Variants in MRAP2 observed in about 807,000 individuals in gnomAD.
MRAP2 encodes melanocortin-2 receptor accessory protein 2.
Under a neutral mutation model 17.4 loss-of-function variants are expected in MRAP2, and 20 were observed. The ratio of observed to expected loss-of-function variants is 1.15; its 90% CI spans 0.81 to 1.67. The LOEUF is 1.67. Among genes scored for constraint, MRAP2 ranks in the 40% most tolerant of loss-of-function variants. The pLI, the probability that MRAP2 is intolerant of heterozygous loss-of-function variation, is 0.00. For missense variants in MRAP2, 238 were observed against 240.0 expected (o/e 0.99, Z 0.05); for synonymous variants, 96 against 88.4 (o/e 1.09, Z -0.48).
At chr6:84,037,754 T>C (rs2099486520) in intron 1 of MRAP2, among the ~76,000 whole-genome samples, 1 of 151,998 alleles carries the variant, frequency 6.6e-6, no homozygotes, top group Admixed American at 6.5e-5. Flanking sequence ...CCAGGGCTGG[T>C]GGGGCCCACT....
the MRAP2 span, among the ~76,000 whole-genome samples, chr6:84,141,648 A>G: frequency 6.6e-6 from 1 of 152,188 alleles, no homozygotes; most frequent in Non-Finnish European, 1.5e-5. Context: ...AGATTTACAG[A>G]AAGTACTCCA....
chr6:84,048,659 C>T (rs1033793507), intron 1 of MRAP2, among the ~76,000 whole-genome samples: 1 of 152,214 alleles, frequency 6.6e-6, no homozygotes, highest in Non-Finnish European at 1.5e-5. Context: ...GGCAGTCTAA[C>T]ACGTTGACAC....
intron 3 of MRAP2, among the ~76,000 whole-genome samples, chr6:84,076,651 C>T (rs760120574): frequency 3.3e-5 from 5 of 152,098 alleles, no homozygotes; most frequent in East Asian, 1.9e-4. Context: ...TGAGCCACTG[C>T]GCCTGGCCAG....
intron 1 of MRAP2, among the ~76,000 whole-genome samples, chr6:84,037,302 C>T (rs1262625712): frequency 6.6e-6 from 1 of 152,134 alleles, no homozygotes; most frequent in African/African-American, 2.4e-5. Flanking sequence ...CTGATTGGTG[C>T]ATCCACGAAC....
chr6:84,087,863 G>A (rs2129176288), intron 3 of MRAP2, among the ~76,000 whole-genome samples: 1 of 152,300 alleles, frequency 6.6e-6, no homozygotes, highest in South Asian at 2.1e-4. Context: ...CTAGGAGACA[G>A]ATCTGATATT....
chr6:84,067,131 A>T lies in MRAP2; in HGVS notation c.227+4139A>T, dbSNP rs149222954. Among the ~76,000 whole-genome samples the T allele has an allele frequency of 5.9e-3, 898 of 152,044 alleles. 4 individuals carry two copies. The highest frequency in any genetic ancestry group is 0.021 in the African/African-American group (866 of 41,436). On this transcript the variant is annotated intron_variant, in intron 3 of 3. Transcript: ENST00000257776. ...GCTCCCACGTATCAGTGAGAACATA[A>T]GATGTTTGCTTTTCAATTTCTGAAT...
chr6:84,081,842 A>G (rs2099499088), intron 3 of MRAP2, among the ~76,000 whole-genome samples: 1 of 152,216 alleles, frequency 6.6e-6, no homozygotes, highest in African/African-American at 2.4e-5. Flanking sequence ...GAATGAATGA[A>G]TAAATAAATA....
chr6:84,090,743 CACACTGGTATT>C lies in MRAP2; in HGVS notation c.*1264_*1274del, dbSNP rs2099501630. 6.6e-6 allele frequency: 1 copy of C among 152,164 alleles called. No individual in the cohort carries two copies. The highest frequency in any genetic ancestry group is 6.5e-5 in the Admixed American group (1 of 15,274). 9.4% of individuals were successfully genotyped at this position (152,164 alleles called of 1,614,324 possible). A position where few individuals can be genotyped will look rare whatever the true frequency, so the allele number is the denominator to read the frequency against. On this transcript the variant is annotated 3_prime_UTR_variant, in exon 4 of 4. Coordinates refer to ENST00000257776, the MANE Select transcript of MRAP2 (RefSeq NM_138409.4). ...TAATTTCATGGAGGAATCAAAGCTG[CACACTGGTATT>C]AAAACAACTTGATTTTGCGCACACA...
the MRAP2 span, chr6:84,125,060 T>A: frequency 1.2e-6 from 2 of 1,604,136 alleles, no homozygotes; most frequent in Non-Finnish European, 1.7e-6. Flanking sequence ...TTATGAAATC[T>A]GAATTTCTAT....
chr6:84,111,037 T>C, the MRAP2 span, among the ~76,000 whole-genome samples: 1 of 152,212 alleles, frequency 6.6e-6, no homozygotes, highest in Non-Finnish European at 1.5e-5. Flanking sequence ...GATAGCATGA[T>C]GCCTTCAGTT....
At chr6:84,041,000 A>T (rs1199030292) in intron 1 of MRAP2, among the ~76,000 whole-genome samples, 1 of 152,210 alleles carries the variant, frequency 6.6e-6, no homozygotes, top group African/African-American at 2.4e-5. Flanking sequence ...CCTTTGTAGC[A>T]GCTCCTCCCA....
Position 84,089,264 on chromosome 6 carries a change from A to G in MRAP2, c.401A>G (p.Gln134Arg), listed in dbSNP as rs931826658. ...TTGGACAGAGCCAAAGCTTGTCACC[A>G]GACCACAGCCCTTGACAGTGACGTC... ...ERLDRAKACH[Q>R]TTALDSDVQL... Residue 134 changes from glutamine to arginine, a missense_variant, in exon 4 of 4, where the codon CAG (glutamine) becomes CGG (arginine). Physicochemically the swap from Gln to Arg is conservative, Grantham distance 43. Coordinates refer to ENST00000257776, the MANE Select transcript of MRAP2 (RefSeq NM_138409.4). 1 of 1,614,116 alleles carries G rather than the reference A, an allele frequency of 6.2e-7. No homozygotes were observed. The highest frequency in any genetic ancestry group is 1.3e-5 in the African/African-American group (1 of 74,940).
At chr6:84,128,853 C>T in the MRAP2 span, among the ~76,000 whole-genome samples, 1 of 151,716 alleles carries the variant, frequency 6.6e-6, no homozygotes, top group South Asian at 2.1e-4. Context: ...ACCCCCAACC[C>T]CCCGACAGGC....
the MRAP2 span, among the ~76,000 whole-genome samples, chr6:84,112,671 T>G: frequency 6.6e-6 from 1 of 152,196 alleles, no homozygotes; most frequent in Admixed American, 6.5e-5. Context: ...TGCTCTTGCC[T>G]CTCTAGTTCT....
chr6:84,066,488 T>G (rs1306767926), intron 3 of MRAP2, among the ~76,000 whole-genome samples: 1 of 152,198 alleles, frequency 6.6e-6, no homozygotes, highest in Non-Finnish European at 1.5e-5. Context: ...CCTTCTTAGG[T>G]GGACATTGTT....
chr6:84,066,372 A>G (rs76700944), intron 3 of MRAP2, among the ~76,000 whole-genome samples: 1 of 152,256 alleles, frequency 6.6e-6, no homozygotes, highest in East Asian at 1.9e-4. Flanking sequence ...GCAGTATATC[A>G]TAATAGAAAA....
the MRAP2 span, chr6:84,126,365 T>G: frequency 6.4e-7 from 1 of 1,563,350 alleles, no homozygotes; most frequent in Non-Finnish European, 8.6e-7. Context: ...TATGTAAATG[T>G]GATTTACTTT....
the MRAP2 span, among the ~76,000 whole-genome samples, chr6:84,102,407 C>T: frequency 6.6e-6 from 1 of 152,064 alleles, no homozygotes; most frequent in Non-Finnish European, 1.5e-5. Flanking sequence ...GAGATGTGAC[C>T]ATGGAAGAAG....
the MRAP2 span, among the ~76,000 whole-genome samples, chr6:84,124,028 C>A: frequency 1.3e-5 from 2 of 151,920 alleles, no homozygotes; most frequent in Admixed American, 6.6e-5. Flanking sequence ...TTATACCAGT[C>A]ACAATGGTTA....
Sources: allele counts gnomAD v4.1 joint callset (sites outside exome capture counted in the v4.1 genomes callset), GRCh38; gene constraint gnomAD v4.1.1; transcripts MANE v1.5; gene names NCBI Gene and HGNC (gene_info 2026-07-23, HGNC 2026-07-21).